The following PREX1 variants were observed in gnomAD, a reference collection of about 807,000 sequenced individuals.
PREX1 encodes the protein phosphatidylinositol 3,4,5-trisphosphate-dependent Rac exchanger 1 protein.
PREX1 carries 41 observed loss-of-function variants against 198.3 expected under a neutral mutation model. That is an observed-to-expected ratio of 0.21 (90% confidence interval 0.16 to 0.27). The LOEUF (loss-of-function observed/expected upper bound fraction) is 0.27. PREX1 is among the 10% of genes least tolerant of loss of function. The pLI, the probability that PREX1 is intolerant of heterozygous loss-of-function variation, is 1.00. For synonymous variants in PREX1, 843 were observed against 887.2 expected, an observed-to-expected ratio of 0.95 and a Z score of 0.89; for missense variants, 1,620 against 2,200.7, an observed-to-expected ratio of 0.74 and a Z score of 5.28.
intron 5 of PREX1, among the ~76,000 whole-genome samples, chr20:48,722,780 G>A (rs4340590): frequency 0.045 from 6,815 of 152,294 alleles, 303 homozygotes; most frequent in African/African-American, 0.11. Context: ...GCCCCAGGAT[G>A]TCCCCTGCCA....
intron 2 of PREX1, among the ~76,000 whole-genome samples, chr20:48,745,468 AAAT>A (rs2090103503): frequency 6.6e-6 from 1 of 152,234 alleles, no homozygotes; most frequent in Non-Finnish European, 1.5e-5. Flanking sequence ...GGCTCAGATA[AAAT>A]AATATTCCCA....
At chr20:48,739,313 A>G (rs2090070876) in intron 3 of PREX1, among the ~76,000 whole-genome samples, 1 of 152,200 alleles carries the variant, frequency 6.6e-6, no homozygotes, top group Non-Finnish European at 1.5e-5. Context: ...CAGATATAAA[A>G]TAAACCCCAG....
chr20:48,661,947 C>T (rs1443826618), intron 15 of PREX1, among the ~76,000 whole-genome samples: 3 of 152,164 alleles, frequency 2.0e-5, no homozygotes, highest in African/African-American at 7.2e-5. Flanking sequence ...AGGCAGCTGT[C>T]GGACGCCAGT....
chr20:48,785,712 C>G (rs6095294), intron 1 of PREX1, among the ~76,000 whole-genome samples: 1 of 152,324 alleles, frequency 6.6e-6, no homozygotes, highest in East Asian at 1.9e-4. Context: ...ACCACCTCCA[C>G]CGGTGCCAGC....
intron 1 of PREX1, among the ~76,000 whole-genome samples, chr20:48,785,163 C>T (rs537359499): frequency 1.3e-5 from 2 of 152,344 alleles, no homozygotes; most frequent in South Asian, 4.1e-4. Flanking sequence ...ATTCGCCTGC[C>T]TCAGCCTCCC....
rs1394470753 is a variant in PREX1 at position 48,827,462 on chromosome 20, G to A, written c.219+180C>T. ...TCGGAGCAGGACCGTGCGCCGGCCA[G>A]GGAGGGAGGCGACGCGACAGCTCTG... is the stretch of plus-strand genomic sequence containing the variant. On this transcript the variant is annotated intron_variant, in intron 1 of 39. Coordinates refer to ENST00000371941, the MANE Select transcript of PREX1 (RefSeq NM_020820.4). This position sits in a 1 kb window ranked among gnomAD's most constrained non-coding sequence, Gnocchi z 4.1. Among the ~76,000 whole-genome samples, 1 of 152,192 alleles carries A rather than the reference G, an allele frequency of 6.6e-6. No individual in the cohort carries two copies.
chr20:48,798,990 G>C (rs1034908578), intron 1 of PREX1, among the ~76,000 whole-genome samples: 1 of 152,020 alleles, frequency 6.6e-6, no homozygotes, highest in Non-Finnish European at 1.5e-5. Flanking sequence ...TCCACCTCCC[G>C]AGTTCAAGCA....
intron 21 of PREX1, 62 bp downstream of exon 21, chr20:48,652,524 C>T: frequency 6.5e-7 from 1 of 1,534,002 alleles, no homozygotes; most frequent in Non-Finnish European, 8.8e-7. Context: ...AGGAGAGGAC[C>T]CAGCCCCTCC....
At chr20:48,738,832 A>AT (rs1761766086) in intron 3 of PREX1, among the ~76,000 whole-genome samples, 1 of 152,122 alleles carries the variant, frequency 6.6e-6, no homozygotes. Context: ...CAAACCACTC[A>AT]TTTCACAGCC....
At chr20:48,797,471 C>T (rs1417380685) in intron 1 of PREX1, among the ~76,000 whole-genome samples, 1 of 152,014 alleles carries the variant, frequency 6.6e-6, no homozygotes, top group Non-Finnish European at 1.5e-5. Flanking sequence ...CTCACTTCCG[C>T]ATTTAATTGC....
chr20:48,659,863 C>T, intron 16 of PREX1, 56 bp downstream of exon 16: 1 of 1,610,312 alleles, frequency 6.2e-7, no homozygotes, highest in South Asian at 1.1e-5. Flanking sequence ...CGCCCAGCTC[C>T]CATGCCTGCA....
chr20:48,801,120 A>G (rs1601143810), intron 1 of PREX1, among the ~76,000 whole-genome samples: 1 of 152,222 alleles, frequency 6.6e-6, no homozygotes, highest in East Asian at 1.9e-4. Context: ...AAGATTGTGC[A>G]GCTGAAGAGC....
the PREX1 span, among the ~76,000 whole-genome samples, chr20:48,869,816 G>A: frequency 6.6e-6 from 1 of 152,106 alleles, no homozygotes; most frequent in Admixed American, 6.6e-5. Context: ...GATACAGGAG[G>A]GGAACAACAC....
intron 4 of PREX1, among the ~76,000 whole-genome samples, chr20:48,734,218 C>G (rs148409752): frequency 2.0e-3 from 309 of 152,290 alleles, no homozygotes; most frequent in African/African-American, 7.1e-3. Flanking sequence ...AAAGTCAACC[C>G]TAATCTGGCC....
chr20:48,690,392 GC>G lies in PREX1; in HGVS notation c.1186+554del, dbSNP rs546571807. Among the ~76,000 whole-genome samples the G allele has an allele frequency of 3.3e-3, 507 of 152,256 alleles. 3 individuals carry two copies. The highest frequency in any genetic ancestry group is 0.011 in the African/African-American group (444 of 41,542). On this transcript the variant is annotated intron_variant, in intron 9 of 39. Transcript: ENST00000371941. ...GAGGTCTGGAAAGCTGGAGTAACTT[GC>G]CCCAAAACACACCAAAGCCTCCTTT...
At chr20:48,733,822 C>A (rs2090045604) in intron 4 of PREX1, among the ~76,000 whole-genome samples, 1 of 152,118 alleles carries the variant, frequency 6.6e-6, no homozygotes, top group African/African-American at 2.4e-5. Flanking sequence ...ACCATCTCAG[C>A]TCACTGCAAT....
At position 48,731,036 on chromosome 20, in the gene PREX1, T is replaced by C. The variant is rs528291798; in HGVS notation, c.519+3510A>G. Among the ~76,000 whole-genome samples the C allele has an allele frequency of 2.0e-4, 31 of 152,150 alleles. No homozygotes were observed. The South Asian group carries it at 6.2e-3, about 31-fold the overall frequency. ...AACAAAACAAAAAATTTCAGACTCT[T>C]TCCATTGACTAAATGCTCCTTCATT... On this transcript the variant is annotated intron_variant, in intron 4 of 39. Coordinates refer to ENST00000371941, the MANE Select transcript of PREX1 (RefSeq NM_020820.4).
intron 1 of PREX1, among the ~76,000 whole-genome samples, chr20:48,784,282 T>C (rs1277384569): frequency 2.0e-5 from 3 of 152,198 alleles, no homozygotes; most frequent in Non-Finnish European, 4.4e-5. Context: ...CATCGTGTAA[T>C]CATTTAATTT....
intron 23 of PREX1, 120 bp from the exon 24 acceptor site, chr20:48,650,326 C>T: frequency 1.1e-6 from 1 of 951,366 alleles, no homozygotes; most frequent in Non-Finnish European, 1.6e-6. Context: ...GACAAAATGC[C>T]AGTAGCTCCA....
Sources: allele counts gnomAD v4.1 joint callset (sites outside exome capture counted in the v4.1 genomes callset), GRCh38; gene constraint gnomAD v4.1.1; non-coding constraint Gnocchi (gnomAD v3.1); transcripts MANE v1.5; gene names NCBI Gene and HGNC (gene_info 2026-07-23, HGNC 2026-07-21).